The following GPD2 variants were observed in gnomAD, a reference collection of about 807,000 sequenced individuals.
The protein encoded by GPD2 is glycerol-3-phosphate dehydrogenase, mitochondrial.
A neutral mutation model predicts 82.4 loss-of-function variants in GPD2; 54 were observed. That is an observed-to-expected ratio of 0.66 (90% CI 0.53 to 0.82). The LOEUF (loss-of-function observed/expected upper bound fraction) is 0.82, where lower values mean the gene tolerates loss of function less well. Among genes scored for constraint, GPD2 ranks in the 40% least tolerant of loss-of-function variants. The pLI is 0.00. For synonymous variants in GPD2, 288 were observed against 306.1 expected, an observed-to-expected ratio of 0.94 and a Z score of 0.62; for missense variants, 748 against 896.2, an observed-to-expected ratio of 0.83 and a Z score of 2.11.
At position 156,541,365 on chromosome 2, in the gene GPD2, G is replaced by C. The variant is rs183265794; in HGVS notation, c.662-8243G>C. Among the ~76,000 whole-genome samples, 420 of 152,314 alleles carry C rather than the reference G, an allele frequency of 2.8e-3. 1 individual carries two copies. The highest frequency in any genetic ancestry group is 9.2e-3 in the African/African-American group (384 of 41,580). On this transcript the variant is annotated intron_variant, in intron 6 of 16. Coordinates refer to ENST00000438166, the MANE Select transcript of GPD2 (RefSeq NM_000408.5). ...TGCTAGAAAATCAAAAGACTTTTGG[G>C]AGCATGTGACTCCTCCACATTAGGT...
chr2:156,574,557 A>G (rs7579092), intron 13 of GPD2, among the ~76,000 whole-genome samples: 149,874 of 152,218 alleles, frequency 0.98, 73,834 homozygotes, highest in Middle Eastern at 1. Flanking sequence ...ATAAAGAGAA[A>G]ACATGTAAGT....
chr2:156,488,856 A>G (rs1434741298), intron 2 of GPD2, among the ~76,000 whole-genome samples: 1 of 152,204 alleles, frequency 6.6e-6, no homozygotes, highest in East Asian at 1.9e-4. Flanking sequence ...AAACAAGTTG[A>G]AAAAAATCTA....
At chr2:156,449,151 T>C (rs1360953653) in intron 1 of GPD2, among the ~76,000 whole-genome samples, 1 of 152,180 alleles carries the variant, frequency 6.6e-6, no homozygotes, top group Non-Finnish European at 1.5e-5. Context: ...TTTAATCACA[T>C]TGGTGAATTT....
the GPD2 span, among the ~76,000 whole-genome samples, chr2:156,414,847 A>G: frequency 2.6e-5 from 4 of 152,206 alleles, no homozygotes; most frequent in Non-Finnish European, 1.5e-5. Context: ...TAACAATAAC[A>G]GCTCTAAAAG....
chr2:156,519,568 G>A (rs1685321105), intron 6 of GPD2, among the ~76,000 whole-genome samples: 1 of 152,296 alleles, frequency 6.6e-6, no homozygotes, highest in Non-Finnish European at 1.5e-5. Flanking sequence ...GTGCAACCAA[G>A]GTTTAAAATT....
chr2:156,428,180 T>C, the GPD2 span, among the ~76,000 whole-genome samples: 1 of 152,194 alleles, frequency 6.6e-6, no homozygotes, highest in African/African-American at 2.4e-5. Flanking sequence ...CAGTCTACCA[T>C]AGTGTAGCTT....
chr2:156,414,408 G>A, the GPD2 span, among the ~76,000 whole-genome samples: 1 of 152,170 alleles, frequency 6.6e-6, no homozygotes, highest in Non-Finnish European at 1.5e-5. Flanking sequence ...TAAGGGGAGA[G>A]AATCAATGTG....
intron 6 of GPD2, among the ~76,000 whole-genome samples, chr2:156,526,263 T>A (rs1479548885): frequency 6.6e-6 from 1 of 152,218 alleles, no homozygotes. Context: ...TAAAATCTTA[T>A]TTCCTTTCTT....
chr2:156,439,511 C>CAAAAA (rs1682066249), intron 1 of GPD2, among the ~76,000 whole-genome samples: 2 of 65,266 alleles, frequency 3.1e-5, no homozygotes, highest in Non-Finnish European at 5.3e-5. Flanking sequence ...GAGACTGTCT[C>CAAAAA]AGAAAAAAAA....
intron 1 of GPD2, among the ~76,000 whole-genome samples, chr2:156,459,345 G>A (rs1461742404): frequency 1.3e-5 from 2 of 152,084 alleles, no homozygotes; most frequent in Admixed American, 6.6e-5. Flanking sequence ...ATGGCAGAAG[G>A]CCTTGGAGTG....
chr2:156,439,527 A>AC (rs1682072423), intron 1 of GPD2, among the ~76,000 whole-genome samples: 1 of 106,534 alleles, frequency 9.4e-6, no homozygotes, highest in East Asian at 2.6e-4. Flanking sequence ...AAAAAAAAAA[A>AC]AAAAAAAAAA....
At chr2:156,486,338 G>T (rs1683937228) in intron 2 of GPD2, among the ~76,000 whole-genome samples, 1 of 152,188 alleles carries the variant, frequency 6.6e-6, no homozygotes, top group African/African-American at 2.4e-5. Context: ...AATCAGTGAG[G>T]TTAACTGTAC....
chr2:156,539,474 G>A (rs1686219209), intron 6 of GPD2, among the ~76,000 whole-genome samples: 1 of 152,124 alleles, frequency 6.6e-6, no homozygotes, highest in African/African-American at 2.4e-5. Flanking sequence ...CAGGACATTG[G>A]GTTCAGGTCA....
At chr2:156,401,163 C>T in the GPD2 span, among the ~76,000 whole-genome samples, 9 of 152,132 alleles carry the variant, frequency 5.9e-5, no homozygotes, top group African/African-American at 1.9e-4. Context: ...GGCCGGGAAT[C>T]GAACCCGGGC....
chr2:156,463,442 C>G (rs137919171), intron 1 of GPD2, among the ~76,000 whole-genome samples: 201 of 152,136 alleles, frequency 1.3e-3, no homozygotes, highest in African/African-American at 4.6e-3. Context: ...TCTAACAGTG[C>G]TAAATAAATA....
At chr2:156,501,109 TATCTAGTAC>T (rs1313186237) in intron 3 of GPD2, among the ~76,000 whole-genome samples, 1 of 152,162 alleles carries the variant, frequency 6.6e-6, no homozygotes, top group Non-Finnish European at 1.5e-5. Flanking sequence ...TATCTGGGAT[TATCTAGTAC>T]ATTTTTGGTT....
chr2:156,567,274 A>C (rs140895680), intron 9 of GPD2, among the ~76,000 whole-genome samples: 44 of 152,176 alleles, frequency 2.9e-4, no homozygotes, highest in Admixed American at 4.6e-4. Flanking sequence ...AACTATTGAC[A>C]AATCTAGTGT....
At chr2:156,538,287 T>C (rs181430669) in intron 6 of GPD2, among the ~76,000 whole-genome samples, 2 of 152,270 alleles carry the variant, frequency 1.3e-5, no homozygotes, top group East Asian at 3.9e-4. Context: ...TCACAGCCTA[T>C]TGAATCATGA....
chr2:156,544,790 C>G (rs537047122), intron 6 of GPD2, among the ~76,000 whole-genome samples: 26 of 152,328 alleles, frequency 1.7e-4, no homozygotes, highest in Admixed American at 1.2e-3. Context: ...GTATCACCCA[C>G]ATTCCCCCAG....
Sources: gnomAD v4.1 joint callset for allele counts (sites outside exome capture counted in the v4.1 genomes callset) on GRCh38, gnomAD v4.1.1 for gene constraint, MANE v1.5 for transcripts, NCBI Gene and HGNC (gene_info 2026-07-23, HGNC 2026-07-21) for gene names.